The following DAB2IP variants were observed in gnomAD, a reference collection of about 807,000 sequenced individuals.
DAB2IP encodes the protein disabled homolog 2-interacting protein.
DAB2IP carries 28 observed loss-of-function variants against 107.2 expected under a neutral mutation model. That is an observed-to-expected ratio of 0.26 (90% confidence interval 0.19 to 0.36). DAB2IP has a LOEUF of 0.36. DAB2IP is among the 10% of genes least tolerant of loss of function. The pLI is 1.00. For synonymous variants in DAB2IP, 755 were observed against 706.4 expected (o/e 1.07, Z -1.09); for missense variants, 1,400 against 1,644.7 (o/e 0.85, Z 2.57).
chr9:121,609,334 C>T (rs1021553675), intron 1 of DAB2IP, among the ~76,000 whole-genome samples: 1 of 152,180 alleles, frequency 6.6e-6, no homozygotes, highest in Non-Finnish European at 1.5e-5. Flanking sequence ...GAGGTAGTGG[C>T]TGAAGTTCTA....
intron 1 of DAB2IP, among the ~76,000 whole-genome samples, chr9:121,641,765 AGCCTGCCTGCCT>A (rs76810093): frequency 2.3e-4 from 34 of 150,890 alleles, no homozygotes; most frequent in East Asian, 7.9e-4. Context: ...TCCCACAGCC[AGCCTGCCTGCCT>A]GCCTGCCTGC....
At chr9:121,700,028 GC>G (rs1399112579) in intron 3 of DAB2IP, among the ~76,000 whole-genome samples, 14 of 152,350 alleles carry the variant, frequency 9.2e-5, no homozygotes, top group African/African-American at 2.4e-4. Flanking sequence ...AGCAGAGCGG[GC>G]AGTGCCCAGG....
intron 1 of DAB2IP, among the ~76,000 whole-genome samples, chr9:121,631,955 G>A (rs1199436446): frequency 6.6e-6 from 1 of 152,158 alleles, no homozygotes; most frequent in Non-Finnish European, 1.5e-5. Context: ...GACGATGGGA[G>A]AGGATGGGCG....
At chr9:121,780,710 TGA>T (rs902409111) in intron 14 of DAB2IP, among the ~76,000 whole-genome samples, 2 of 152,056 alleles carry the variant, frequency 1.3e-5, no homozygotes, top group Admixed American at 1.3e-4. Context: ...TGCCCAGCAG[TGA>T]GAGTGTCTCA....
chr9:121,699,482 TC>T lies in DAB2IP; in HGVS notation c.362+29del, dbSNP rs766372402. On this transcript the variant is annotated intron_variant, in intron 3 of 15. Transcript: ENST00000408936. The surrounding 1 kb of genome is among the most constrained non-coding windows in gnomAD (Gnocchi z 6.2). ...AGGTGAGCCCGCCGCCGCCGCCCGG[TC>T]CCCCGCGCCGCCGCCCCGGGCTGCG... The T allele has an allele frequency of 2.3e-6, 3 of 1,279,444 alleles. No individual in the cohort carries two copies. Among genetic ancestry groups the T allele is most frequent in the African/African-American group, 1.6e-5 (1 of 61,546 alleles). 79.3% of individuals were successfully genotyped at this position (1,279,444 alleles called of 1,614,324 possible).
rs1392587328 is a variant in DAB2IP, at chr9:121,698,763, C to G, written c.229-562C>G. On this transcript the variant is annotated intron_variant, in intron 2 of 15. Coordinates refer to ENST00000408936, the Ensembl canonical transcript of DAB2IP. The surrounding 1 kb of genome is among the most constrained non-coding windows in gnomAD (Gnocchi z 4.1). ...GCCGGCGCCTCAGCCGACCACGCGC[C>G]CGCTCTCATCGGTACCACCGAGGGC... Among the ~76,000 whole-genome samples the G allele has an allele frequency of 6.6e-6, 1 of 152,162 alleles. No individual in the cohort carries two copies. The highest frequency in any genetic ancestry group is 1.5e-5 in the Non-Finnish European group (1 of 68,026).
intron 3 of DAB2IP, among the ~76,000 whole-genome samples, chr9:121,712,078 CG>C (rs1209060719): frequency 5.3e-5 from 8 of 152,198 alleles, no homozygotes; most frequent in Admixed American, 4.6e-4. Context: ...ATAGGTTTGC[CG>C]GAGCTCTTCC....
intron 1 of DAB2IP, among the ~76,000 whole-genome samples, chr9:121,644,247 G>A (rs1347549845): frequency 1.3e-5 from 2 of 151,264 alleles, no homozygotes; most frequent in Non-Finnish European, 2.9e-5. Context: ...AAGGAAACAA[G>A]GAAGGAAGGA....
At position 121,760,106 on chromosome 9, in the gene DAB2IP, C is replaced by T. The variant is rs765067824; in HGVS notation, c.837C>T (p.Thr279=). The T allele has an allele frequency of 3.7e-5, 60 of 1,613,824 alleles. 1 individual carries two copies. In the South Asian group the frequency reaches 4.3e-4, roughly 12 times the overall value. The change falls in exon 6 of 16, where the codon ACC becomes ACT. Residue 279 remains threonine (T), a synonymous_variant. Coordinates refer to ENST00000408936, the Ensembl canonical transcript of DAB2IP. The surrounding 1 kb of genome is among the most constrained non-coding windows in gnomAD (Gnocchi z 5.9). ...TCACTGTCCACCTGTACCGGGAGACCGACAAGAAGAAGAAGAAGGAGCGCA... is the reference window on the plus strand; with the variant it reads ...TCACTGTCCACCTGTACCGGGAGACTGACAAGAAGAAGAAGAAGGAGCGCA...
chr9:121,782,748 G>A lies in DAB2IP; in HGVS notation c.*250G>A. On this transcript the variant is annotated 3_prime_UTR_variant, in exon 16 of 16. Coordinates refer to ENST00000408936, the Ensembl canonical transcript of DAB2IP. This position sits in a 1 kb window ranked among gnomAD's most constrained non-coding sequence, Gnocchi z 6.1. ...AAGAGACTGCACGCTGGGGAGTGGG[G>A]ACAGCCTGATGGGGCAGGGGGCCTG... is the stretch of plus-strand genomic sequence containing the variant. 1 of 1,360,156 alleles carries A rather than the reference G, an allele frequency of 7.4e-7. No individual in the cohort carries two copies. The allele number at this position is 1,360,156 out of a possible 1,614,324, so 84.3% of individuals were successfully genotyped here.
rs1412204988 is a variant in DAB2IP, at chr9:121,776,387, A to C, written c.3310A>C (p.Ser1104Arg). 3 of 1,538,502 alleles carry C rather than the reference A, an allele frequency of 1.9e-6. No homozygotes were observed. In the African/African-American group the frequency reaches 4.1e-5, roughly 21 times the overall value. ...GGACATCCAGATGAAGGGCATCATC[A>C]GCAGGTGGGGCCCACACCTGCCTGG... The change falls in exon 14 of 16, where the codon AGC becomes CGC. Residue 1104 changes from serine (S) to arginine (R), a missense_variant. Around this residue, in one of 3 missense-constraint regions of DAB2IP, gnomAD observed 600 missense variants for 659.1 expected, o/e 0.91. Coordinates refer to ENST00000408936, the Ensembl canonical transcript of DAB2IP. This position sits in a 1 kb window ranked among gnomAD's most constrained non-coding sequence, Gnocchi z 5.4.
intron 3 of DAB2IP, among the ~76,000 whole-genome samples, chr9:121,706,587 C>G (rs1830068618): frequency 6.6e-6 from 1 of 152,216 alleles, no homozygotes; most frequent in African/African-American, 2.4e-5. Flanking sequence ...CTCTCTGCCC[C>G]TCCTTCCACT....
intron 3 of DAB2IP, among the ~76,000 whole-genome samples, chr9:121,750,290 G>A (rs1833015143): frequency 6.6e-6 from 1 of 152,216 alleles, no homozygotes; most frequent in Non-Finnish European, 1.5e-5. Context: ...GCTCGCAGCT[G>A]CAGGTGCATT....
chr9:121,706,291 G>A (rs1201307470), intron 3 of DAB2IP, among the ~76,000 whole-genome samples: 1 of 152,146 alleles, frequency 6.6e-6, no homozygotes, highest in Non-Finnish European at 1.5e-5. Context: ...CCCAAGGCTT[G>A]GGCTGTGGGA....
intron 3 of DAB2IP, among the ~76,000 whole-genome samples, chr9:121,726,861 G>A (rs1180563919): frequency 1.3e-5 from 2 of 152,242 alleles, no homozygotes; most frequent in East Asian, 3.9e-4. Flanking sequence ...TCTTCAAGGG[G>A]AAGGGTCTCT....
chr9:121,774,177 C>T, intron 12 of DAB2IP, 83 bp from the exon 13 acceptor site: 3 of 1,415,236 alleles, frequency 2.1e-6, no homozygotes, highest in Non-Finnish European at 2.8e-6. Flanking sequence ...GTTGCTTGTC[C>T]TTGTGGCTCA....
chr9:121,781,109 G>A (rs1402744088), intron 14 of DAB2IP, among the ~76,000 whole-genome samples: 3 of 152,196 alleles, frequency 2.0e-5, no homozygotes, highest in Non-Finnish European at 4.4e-5. Flanking sequence ...AGCCTTTCAG[G>A]GCCTTCGTCT....
intron 2 of DAB2IP, among the ~76,000 whole-genome samples, chr9:121,683,437 G>C (rs887701380): frequency 1.3e-5 from 2 of 152,182 alleles, no homozygotes; most frequent in African/African-American, 4.8e-5. Context: ...CAGGCCTGGG[G>C]TGTGGGAGGT....
chr9:121,769,009 G>T (rs1834503033), intron 10 of DAB2IP, among the ~76,000 whole-genome samples: 2 of 152,130 alleles, frequency 1.3e-5, no homozygotes, highest in South Asian at 4.1e-4. Flanking sequence ...GCAGGAAGTC[G>T]AAAACCTTTC....
Sources: gnomAD v4.1 joint callset for allele counts (sites outside exome capture counted in the v4.1 genomes callset) on GRCh38, gnomAD v4.1.1 for gene constraint, gnomAD v4.1.1 regional missense constraint, Gnocchi (gnomAD v3.1) non-coding constraint, MANE v1.5 for transcripts, NCBI Gene and HGNC (gene_info 2026-07-23, HGNC 2026-07-21) for gene names.